DNAH6: variants seen among roughly 807,000 people sequenced by gnomAD.
The protein encoded by DNAH6 is axonemal beta dynein heavy chain 6.
DNAH6 carries 340 observed loss-of-function variants against 491.4 expected under a neutral mutation model. That is an observed-to-expected ratio of 0.69 (90% CI 0.63 to 0.76). The LOEUF (loss-of-function observed/expected upper bound fraction) is 0.76, where lower values mean the gene tolerates loss of function less well. DNAH6 is among the 30% of genes least tolerant of loss of function. The probability of loss-of-function intolerance (pLI) is 0.00; values close to 1 mark genes in which losing one functional copy is unlikely to be tolerated. For missense variants in DNAH6, 4,443 were observed against 4,972.2 expected (o/e 0.89, Z 3.20); for synonymous variants, 1,603 against 1,686.1 (o/e 0.95, Z 1.21).
In DNAH6 at chr2:84,579,633, C is replaced by G. The variant is rs1215499778; in HGVS notation, c.2183C>G (p.Thr728Arg). Residue 728 changes from threonine (T) to arginine (R), a missense_variant, in exon 14 of 77, where the codon ACA becomes AGA. By Grantham distance (71) the Thr-to-Arg change is moderately conservative. Transcript: ENST00000389394. ...YKLEFVPTTT[T>R]EYVHSLLFLD... ...CTTGAGTTTGTTCCAACTACTACCACAGAATATGTTCATAGCTTATTATTT... is the reference window on the plus strand; with the variant it reads ...CTTGAGTTTGTTCCAACTACTACCAGAGAATATGTTCATAGCTTATTATTT... The G allele has an allele frequency of 6.2e-7, 1 of 1,610,842 alleles. No homozygotes were observed. Among genetic ancestry groups the G allele is most frequent in the Non-Finnish European group, 8.5e-7 (1 of 1,178,968 alleles).
intron 15 of DNAH6, among the ~76,000 whole-genome samples, chr2:84,585,432 AGGAGCTTTATTCAGT>A (rs1160382811): frequency 6.6e-6 from 1 of 152,152 alleles, no homozygotes; most frequent in African/African-American, 2.4e-5. Flanking sequence ...CAAGATGAAG[AGGAGCTTTATTCAGT>A]GTTAGAACAG....
At chr2:84,748,310 T>A (rs887185197) in intron 63 of DNAH6, among the ~76,000 whole-genome samples, 1 of 152,244 alleles carries the variant, frequency 6.6e-6, no homozygotes, top group Non-Finnish European at 1.5e-5. Context: ...TTAAGTCATT[T>A]CTTTCCTTCC....
At chr2:84,634,458 G>A (rs1413112117) in intron 29 of DNAH6, 46 bp from the exon 30 acceptor site, 21 of 1,407,626 alleles carry the variant, frequency 1.5e-5, no homozygotes, top group East Asian at 1.1e-4. Context: ...TTTTGAAGGA[G>A]CTGAACTACA....
chr2:84,771,953 T>G (rs1675665033), intron 64 of DNAH6, among the ~76,000 whole-genome samples: 3 of 152,220 alleles, frequency 2.0e-5, no homozygotes. Context: ...ACTTTTGGCT[T>G]ATAATTTCTC....
intron 20 of DNAH6, 38 bp from the exon 21 acceptor site, chr2:84,606,938 C>G: frequency 6.5e-7 from 1 of 1,539,320 alleles, no homozygotes; most frequent in Non-Finnish European, 8.8e-7. Flanking sequence ...AGCACAAATA[C>G]TGGGTGCTGC....
the DNAH6 span, among the ~76,000 whole-genome samples, chr2:84,486,315 AC>A: frequency 1.3e-5 from 2 of 152,220 alleles, no homozygotes; most frequent in Non-Finnish European, 2.9e-5. Context: ...CTTAAAAGCC[AC>A]CAGTGGGGAA....
intron 4 of DNAH6, among the ~76,000 whole-genome samples, chr2:84,535,987 C>T (rs947098488): frequency 7.9e-5 from 12 of 151,934 alleles, no homozygotes; most frequent in African/African-American, 2.9e-4. Flanking sequence ...TCTGATAGCA[C>T]TGGTATTCAA....
intron 61 of DNAH6, among the ~76,000 whole-genome samples, chr2:84,731,906 A>G (rs538030964): frequency 4.6e-5 from 7 of 152,204 alleles, no homozygotes; most frequent in Non-Finnish European, 1.0e-4. Flanking sequence ...TATATCCCCA[A>G]GAGCATTGTT....
At chr2:84,667,268 A>T (rs1325744368) in intron 37 of DNAH6, among the ~76,000 whole-genome samples, 1 of 152,200 alleles carries the variant, frequency 6.6e-6, no homozygotes, top group Non-Finnish European at 1.5e-5. Context: ...TAAACTAAAG[A>T]GCTTCTGCAC....
At chr2:84,664,650 G>A (rs1466570256) in intron 37 of DNAH6, among the ~76,000 whole-genome samples, 2 of 152,118 alleles carry the variant, frequency 1.3e-5, no homozygotes, top group Non-Finnish European at 2.9e-5. Flanking sequence ...ATAATAATGG[G>A]AGATTTTAAC....
At chr2:84,793,839 C>A (rs1487890166) in intron 68 of DNAH6, among the ~76,000 whole-genome samples, 1 of 152,200 alleles carries the variant, frequency 6.6e-6, no homozygotes, top group Non-Finnish European at 1.5e-5. Flanking sequence ...ACAGGATATG[C>A]AGATAAAGAC....
At chr2:84,461,894 A>G in the DNAH6 span, among the ~76,000 whole-genome samples, 22 of 152,208 alleles carry the variant, frequency 1.4e-4, no homozygotes, top group Non-Finnish European at 2.9e-4. Context: ...GAAGTGGCCA[A>G]ACTTGTCTTT....
At chr2:84,687,862 A>G (rs137940673) in intron 44 of DNAH6, among the ~76,000 whole-genome samples, 51 of 152,334 alleles carry the variant, frequency 3.3e-4, no homozygotes, top group African/African-American at 1.2e-3. Context: ...TTCTGGCATG[A>G]TTTTTTATAA....
At chr2:84,591,617 T>C (rs1684124859) in intron 16 of DNAH6, among the ~76,000 whole-genome samples, 1 of 152,144 alleles carries the variant, frequency 6.6e-6, no homozygotes, top group Non-Finnish European at 1.5e-5. Context: ...AATTCTAAAA[T>C]TTATAGGGAA....
intron 63 of DNAH6, among the ~76,000 whole-genome samples, chr2:84,745,517 T>G (rs1672886045): frequency 6.6e-6 from 1 of 152,034 alleles, no homozygotes; most frequent in African/African-American, 2.4e-5. Flanking sequence ...TACAAAATAA[T>G]TATCCGGGCA....
chr2:84,500,789 T>C, the DNAH6 span, among the ~76,000 whole-genome samples: 4 of 152,212 alleles, frequency 2.6e-5, no homozygotes, highest in East Asian at 3.8e-4. Context: ...TTGTGGCTAT[T>C]ATAAATGAGA....
intron 24 of DNAH6, 63 bp from the exon 25 acceptor site, chr2:84,621,128 A>G (rs2104399921): frequency 1.1e-5 from 16 of 1,491,644 alleles, no homozygotes; most frequent in Non-Finnish European, 1.5e-5. Flanking sequence ...ATGGAAATAC[A>G]GAAGGCATAC....
chr2:84,801,182 C>T, intron 70 of DNAH6, among the ~76,000 whole-genome samples: 1 of 145,026 alleles, frequency 6.9e-6, no homozygotes. Context: ...ACCAGCATGG[C>T]ACATGTATAC....
At chr2:84,494,645 T>C in the DNAH6 span, among the ~76,000 whole-genome samples, 1 of 152,204 alleles carries the variant, frequency 6.6e-6, no homozygotes, top group African/African-American at 2.4e-5. Flanking sequence ...AGAGTAGATT[T>C]TGACATCTAC....
Sources: allele counts gnomAD v4.1 joint callset (sites outside exome capture counted in the v4.1 genomes callset), GRCh38; gene constraint gnomAD v4.1.1; transcripts MANE v1.5; gene names NCBI Gene and HGNC (gene_info 2026-07-23, HGNC 2026-07-21).